Variants in CADM1 observed in about 807,000 individuals in gnomAD.
CADM1 encodes the protein TSLC-1.
In CADM1, 15 loss-of-function variants were observed where a neutral mutation model predicts 53.1. That is an observed-to-expected ratio of 0.28 (90% CI 0.19 to 0.44). The LOEUF (loss-of-function observed/expected upper bound fraction) is 0.44. Among genes scored for constraint, CADM1 ranks in the 20% least tolerant of loss-of-function variants. The pLI is 1.00. For synonymous variants in CADM1, 281 were observed against 243.0 expected (o/e 1.16, Z -1.45); for missense variants, 434 against 611.3 (o/e 0.71, Z 3.06).
intron 1 of CADM1, among the ~76,000 whole-genome samples, chr11:115,331,807 G>A (rs1208331317): frequency 6.6e-6 from 1 of 151,970 alleles, no homozygotes; most frequent in Non-Finnish European, 1.5e-5. Flanking sequence ...CCACTATCAG[G>A]TGACACACAT....
intron 8 of CADM1, among the ~76,000 whole-genome samples, chr11:115,203,426 G>T (rs1448040414): frequency 6.6e-6 from 1 of 152,104 alleles, no homozygotes; most frequent in African/African-American, 2.4e-5. Context: ...CAGGAAAGAG[G>T]CTCTCTGTAA....
At chr11:115,390,333 A>G (rs1938362406) in intron 1 of CADM1, among the ~76,000 whole-genome samples, 1 of 151,904 alleles carries the variant, frequency 6.6e-6, no homozygotes, top group African/African-American at 2.4e-5. Context: ...TATATTGGGA[A>G]ATGGTGATAT....
intron 7 of CADM1, among the ~76,000 whole-genome samples, chr11:115,213,005 C>T (rs963683530): frequency 2.0e-5 from 3 of 152,200 alleles, no homozygotes; most frequent in Admixed American, 1.3e-4. Context: ...GCAGTAAGTA[C>T]AATAAATCAA....
chr11:115,418,427 T>A (rs1947663783), intron 1 of CADM1, among the ~76,000 whole-genome samples: 1 of 152,136 alleles, frequency 6.6e-6, no homozygotes, highest in Non-Finnish European at 1.5e-5. Context: ...AATATCAAAC[T>A]ACTACCCTTA....
At chr11:115,250,589 T>C (rs999007197) in intron 1 of CADM1, among the ~76,000 whole-genome samples, 4 of 152,234 alleles carry the variant, frequency 2.6e-5, no homozygotes, top group African/African-American at 9.6e-5. Flanking sequence ...AAAGCACTTA[T>C]TATTAATTTT....
At chr11:115,297,415 C>T (rs1263252110) in intron 1 of CADM1, among the ~76,000 whole-genome samples, 1 of 152,106 alleles carries the variant, frequency 6.6e-6, no homozygotes, top group Non-Finnish European at 1.5e-5. Context: ...TGTAATGAAG[C>T]CCTGGATACC....
At chr11:115,185,239 C>T (rs1939488778) in intron 10 of CADM1, among the ~76,000 whole-genome samples, 1 of 152,196 alleles carries the variant, frequency 6.6e-6, no homozygotes, top group African/African-American at 2.4e-5. Flanking sequence ...TTATCACCGA[C>T]CCAAGGCAAA....
chr11:115,198,574 T>C, intron 8 of CADM1, 136 bp from the exon 9 acceptor site: 4 of 698,458 alleles, frequency 5.7e-6, no homozygotes, highest in Non-Finnish European at 1.0e-5. Flanking sequence ...CAAGCAATAA[T>C]AAATGAAAAG....
At position 115,176,337 on chromosome 11, in the gene CADM1, T is replaced by C; in HGVS notation, c.*137A>G. 6.4e-7 allele frequency: 1 copy of C among 1,555,246 alleles called. No individual in the cohort carries two copies. The highest frequency in any genetic ancestry group is 8.7e-7 in the Non-Finnish European group (1 of 1,145,368). The stretch of plus-strand genomic sequence containing the variant: ...ATTTTTTTTTTTTTTACACAGCAAA[T>C]CCCAAGCCTTCCCAGTCTCACACCT... On this transcript the variant is annotated 3_prime_UTR_variant, in exon 12 of 12. Coordinates refer to ENST00000331581, the MANE Select transcript of CADM1 (RefSeq NM_001301043.2).
chr11:115,263,940 A>T (rs1943051573), intron 1 of CADM1, among the ~76,000 whole-genome samples: 1 of 152,184 alleles, frequency 6.6e-6, no homozygotes, highest in African/African-American at 2.4e-5. Context: ...ATGTCTATAT[A>T]TATCTTTTCT....
chr11:115,461,823 G>A (rs1354277635), intron 1 of CADM1, among the ~76,000 whole-genome samples: 1 of 152,112 alleles, frequency 6.6e-6, no homozygotes, highest in Non-Finnish European at 1.5e-5. Flanking sequence ...TGAGAGGGCA[G>A]GGGGACTCCC....
chr11:115,277,305 G>A (rs539122906), intron 1 of CADM1, among the ~76,000 whole-genome samples: 15 of 152,224 alleles, frequency 9.9e-5, no homozygotes, highest in African/African-American at 3.6e-4. Flanking sequence ...AATACACAGG[G>A]CTCACAGCTC....
chr11:115,182,333 C>A lies in CADM1; in HGVS notation c.1166-3558G>T, dbSNP rs555139127. ...TTAGAAAGCCATGTTTTCTTGTTCC[C>A]TAAGAGGCTACAAGTGTTCCTCTTA... On this transcript the variant is annotated intron_variant, in intron 10 of 11. Transcript: ENST00000331581. 9.6e-4 allele frequency among the ~76,000 whole-genome samples: 146 copies of A among 152,310 alleles called. 2 individuals are homozygous for A. Among genetic ancestry groups the A allele is most frequent in the Non-Finnish European group, 7.8e-4 (53 of 68,020 alleles).
chr11:115,424,396 T>C (rs1435248575), intron 1 of CADM1, among the ~76,000 whole-genome samples: 1 of 152,226 alleles, frequency 6.6e-6, no homozygotes, highest in Non-Finnish European at 1.5e-5. Context: ...GATATTTTGG[T>C]AGAATTCTCA....
intron 1 of CADM1, among the ~76,000 whole-genome samples, chr11:115,493,641 T>C (rs954047675): frequency 6.6e-6 from 1 of 152,168 alleles, no homozygotes; most frequent in Non-Finnish European, 1.5e-5. Flanking sequence ...ATCAAGCTAG[T>C]AATAGGGCAA....
chr11:115,279,094 C>T (rs894665048), intron 1 of CADM1, among the ~76,000 whole-genome samples: 1 of 152,182 alleles, frequency 6.6e-6, no homozygotes, highest in Non-Finnish European at 1.5e-5. Context: ...GTCAGACCTT[C>T]AGAGACCACT....
intron 3 of CADM1, among the ~76,000 whole-genome samples, chr11:115,232,267 C>T (rs1439767924): frequency 6.6e-6 from 1 of 152,086 alleles, no homozygotes; most frequent in Non-Finnish European, 1.5e-5. Flanking sequence ...CTTTGAGTCC[C>T]TTAAAAGAAT....
chr11:115,474,290 CAAAAAAAAAAAAA>C (rs60168853), intron 1 of CADM1, among the ~76,000 whole-genome samples: 2 of 20,216 alleles, frequency 9.9e-5, no homozygotes, highest in East Asian at 2.1e-3. Context: ...GACTCCATCT[CAAAAAAAAAAAAA>C]AAAAAAAAAA....
intron 1 of CADM1, among the ~76,000 whole-genome samples, chr11:115,351,620 T>A (rs1591736961): frequency 6.6e-6 from 1 of 152,200 alleles, no homozygotes; most frequent in Non-Finnish European, 1.5e-5. Context: ...TACAGAACTC[T>A]GGCCCTAATG....
Sources: gnomAD v4.1 joint callset for allele counts (sites outside exome capture counted in the v4.1 genomes callset) on GRCh38, gnomAD v4.1.1 for gene constraint, MANE v1.5 for transcripts, NCBI Gene and HGNC (gene_info 2026-07-23, HGNC 2026-07-21) for gene names.